The following ESYT2 variants were observed in gnomAD, a reference collection of about 807,000 sequenced individuals.
ESYT2 encodes the protein extended synaptotagmin 2, also known as extended synaptotagmin-2.
Under a neutral mutation model 107.2 loss-of-function variants are expected in ESYT2, and 54 were observed. The ratio of observed to expected loss-of-function variants is 0.50; its 90% CI spans 0.40 to 0.63. The LOEUF (loss-of-function observed/expected upper bound fraction) is 0.63. Ranked by LOEUF, ESYT2 falls within the 30% of genes least tolerant of loss-of-function variation. ESYT2 has a pLI of 0.00. For synonymous variants in ESYT2, 491 were observed against 434.1 expected (o/e 1.13, Z -1.63); for missense variants, 1,020 against 1,094.5 (o/e 0.93, Z 0.96).
At chr7:158,755,850 C>T (rs561234256) in intron 13 of ESYT2, among the ~76,000 whole-genome samples, 1 of 151,790 alleles carries the variant, frequency 6.6e-6, no homozygotes, top group Non-Finnish European at 1.5e-5. Flanking sequence ...GGGAACATCA[C>T]ATACTAGGGG....
At chr7:158,780,776 G>C (rs1400326327) in intron 6 of ESYT2, among the ~76,000 whole-genome samples, 1 of 152,206 alleles carries the variant, frequency 6.6e-6, no homozygotes, top group African/African-American at 2.4e-5. Context: ...GAAGAGATTT[G>C]AATGCAAGAA....
chr7:158,739,015 GC>G lies in ESYT2; in HGVS notation c.2267+7del, dbSNP rs768771872. 1.2e-6 allele frequency: 2 copies of G among 1,613,542 alleles called. No individual in the cohort carries two copies. Among genetic ancestry groups the G allele is most frequent in the African/African-American group, 2.7e-5 (2 of 74,914 alleles). On this transcript the variant is annotated splice_region_variant and intron_variant, in intron 19 of 22. Coordinates refer to ENST00000275418, the MANE Select transcript of ESYT2 (RefSeq NM_001367773.1). The stretch of plus-strand genomic sequence containing the variant: ...ACAGCAGCGGGCGCGTGGGACCCCA[GC>G]CCCCACCTGCAGGCATGCACGACCA...
chr7:158,825,166 G>A (rs748316863), intron 1 of ESYT2, among the ~76,000 whole-genome samples: 13 of 152,092 alleles, frequency 8.5e-5, no homozygotes, highest in East Asian at 1.9e-4. Context: ...GGTGACGGGC[G>A]CCTGTACTCC....
At chr7:158,763,447 A>T (rs1284880616) in intron 9 of ESYT2, among the ~76,000 whole-genome samples, 1 of 152,056 alleles carries the variant, frequency 6.6e-6, no homozygotes, top group Admixed American at 6.6e-5. Flanking sequence ...GGCATGTGCC[A>T]CCATGCCCGG....
intron 4 of ESYT2, among the ~76,000 whole-genome samples, chr7:158,792,773 T>G (rs1286158670): frequency 5.2e-4 from 74 of 142,734 alleles, no homozygotes; most frequent in African/African-American, 1.2e-3. Context: ...GGTTTTTTTT[T>G]TTTTTTTTTT....
At chr7:158,757,280 A>G (rs1381384618) in intron 13 of ESYT2, among the ~76,000 whole-genome samples, 2 of 152,244 alleles carry the variant, frequency 1.3e-5, no homozygotes, top group African/African-American at 2.4e-5. Context: ...TCCAGTCCAC[A>G]TTCTGGCAGT....
At chr7:158,771,583 G>A (rs1050860269) in intron 7 of ESYT2, among the ~76,000 whole-genome samples, 1 of 152,238 alleles carries the variant, frequency 6.6e-6, no homozygotes, top group Non-Finnish European at 1.5e-5. Flanking sequence ...GGCACAGCAA[G>A]AGACTGCCTG....
At chr7:158,824,761 A>G (rs1481975532) in intron 1 of ESYT2, among the ~76,000 whole-genome samples, 3 of 152,252 alleles carry the variant, frequency 2.0e-5, no homozygotes, top group Non-Finnish European at 2.9e-5. Context: ...AGCAGGATAG[A>G]GTCAGACTTT....
chr7:158,783,761 G>A (rs1019102856), intron 6 of ESYT2, among the ~76,000 whole-genome samples: 1 of 152,246 alleles, frequency 6.6e-6, no homozygotes, highest in African/African-American at 2.4e-5. Context: ...TGCACATCAC[G>A]TGGTGGCACC....
At chr7:158,734,694 A>C (rs979812654) in intron 21 of ESYT2, among the ~76,000 whole-genome samples, 1 of 152,230 alleles carries the variant, frequency 6.6e-6, no homozygotes, top group African/African-American at 2.4e-5. Flanking sequence ...GGAGGCTGAG[A>C]CAGCAATTGC....
intron 1 of ESYT2, among the ~76,000 whole-genome samples, chr7:158,814,133 G>A (rs1055078551): frequency 6.6e-6 from 1 of 151,724 alleles, no homozygotes; most frequent in Non-Finnish European, 1.5e-5. Context: ...AATTAGTCGG[G>A]CGTGGTGGTG....
chr7:158,746,309 C>T (rs955202517), intron 16 of ESYT2, among the ~76,000 whole-genome samples: 1 of 152,012 alleles, frequency 6.6e-6, no homozygotes, highest in African/African-American at 2.4e-5. Flanking sequence ...CATGTAGTCC[C>T]AGCCACTTGG....
intron 6 of ESYT2, among the ~76,000 whole-genome samples, chr7:158,785,316 T>C (rs1839070247): frequency 6.6e-6 from 1 of 151,914 alleles, no homozygotes; most frequent in Non-Finnish European, 1.5e-5. Flanking sequence ...TCTCAGCTGC[T>C]CTGGAGGCTG....
intron 1 of ESYT2, among the ~76,000 whole-genome samples, chr7:158,815,052 G>A (rs1840111239): frequency 6.6e-6 from 1 of 152,212 alleles, no homozygotes; most frequent in South Asian, 2.1e-4. Context: ...AAACAAAGGT[G>A]GCGGGTTAGC....
In ESYT2 at chr7:158,733,842, T is replaced by C. The variant is rs1187937589; in HGVS notation, c.*365A>G. 1 of 163,596 alleles carries C rather than the reference T, an allele frequency of 6.1e-6. No homozygotes were observed. Among genetic ancestry groups the C allele is most frequent in the African/African-American group, 2.4e-5 (1 of 41,826 alleles). The allele number at this position is 163,596 out of a possible 1,614,324, so 10.1% of individuals were successfully genotyped here. A position where few individuals can be genotyped will look rare whatever the true frequency, so the allele number is the denominator to read the frequency against. On this transcript the variant is annotated 3_prime_UTR_variant, in exon 23 of 23. Transcript: ENST00000275418. ...CTGAATTTAAACCAGCATGTAAAGATTATAAAAAATAGTCTATTTACATGG... is the reference window on the plus strand; with the variant it reads ...CTGAATTTAAACCAGCATGTAAAGACTATAAAAAATAGTCTATTTACATGG...
At chr7:158,806,144 A>G (rs1434321137) in intron 1 of ESYT2, among the ~76,000 whole-genome samples, 1 of 146,942 alleles carries the variant, frequency 6.8e-6, no homozygotes, top group African/African-American at 2.7e-5. Flanking sequence ...GCCGGGGCAC[A>G]CCGCGTAGGA....
At chr7:158,799,692 T>A (rs1447117623) in intron 1 of ESYT2, among the ~76,000 whole-genome samples, 1 of 152,210 alleles carries the variant, frequency 6.6e-6, no homozygotes, top group Non-Finnish European at 1.5e-5. Context: ...CTTTTCTCTT[T>A]TGGCCCAAAC....
chr7:158,812,103 C>G (rs564825982), intron 1 of ESYT2, among the ~76,000 whole-genome samples: 3 of 152,196 alleles, frequency 2.0e-5, no homozygotes, highest in Admixed American at 2.0e-4. Context: ...CTTCCCCCTG[C>G]CACACAGCCA....
At chr7:158,750,218 T>G (rs916406840) in intron 14 of ESYT2, among the ~76,000 whole-genome samples, 7 of 152,130 alleles carry the variant, frequency 4.6e-5, no homozygotes, top group African/African-American at 1.4e-4. Context: ...CTTTCACATA[T>G]CAAATCTTGC....
Sources: allele counts gnomAD v4.1 joint callset (sites outside exome capture counted in the v4.1 genomes callset), GRCh38; gene constraint gnomAD v4.1.1; transcripts MANE v1.5; gene names NCBI Gene and HGNC (gene_info 2026-07-23, HGNC 2026-07-21).